Variants in CADPS2 observed in about 807,000 individuals in gnomAD.
CADPS2 encodes calcium dependent secretion activator 2.
In CADPS2, 93 loss-of-function variants were observed where a neutral mutation model predicts 172.5. The observed-to-expected ratio is 0.54, with a 90% CI of 0.46 to 0.64. The LOEUF (loss-of-function observed/expected upper bound fraction) is 0.64, where lower values mean the gene tolerates loss of function less well. Among genes scored for constraint, CADPS2 ranks in the 30% least tolerant of loss-of-function variants. The pLI, the probability that CADPS2 is intolerant of heterozygous loss-of-function variation, is 0.00. For missense variants in CADPS2, 1,420 were observed against 1,565.9 expected, an observed-to-expected ratio of 0.91 and a Z score of 1.57; for synonymous variants, 546 against 555.2, an observed-to-expected ratio of 0.98 and a Z score of 0.23.
chr7:122,650,454 G>C (rs1019177905), intron 3 of CADPS2, among the ~76,000 whole-genome samples: 1 of 151,988 alleles, frequency 6.6e-6, no homozygotes, highest in Admixed American at 6.6e-5. Flanking sequence ...TTGTAAAGCT[G>C]TGTTCTCTTA....
At chr7:122,355,725 G>T (rs962778910) in intron 27 of CADPS2, among the ~76,000 whole-genome samples, 2 of 152,064 alleles carry the variant, frequency 1.3e-5, no homozygotes, top group African/African-American at 4.8e-5. Flanking sequence ...GAGAGAACTG[G>T]ACAAGAACTC....
intron 27 of CADPS2, 130 bp from the exon 28 acceptor site, chr7:122,345,811 A>G: frequency 1.7e-6 from 1 of 574,152 alleles, no homozygotes. Context: ...CTAAACCAAA[A>G]GTGAGCATCT....
chr7:122,854,578 A>C (rs1308528386), intron 1 of CADPS2, among the ~76,000 whole-genome samples: 1 of 152,212 alleles, frequency 6.6e-6, no homozygotes, highest in Non-Finnish European at 1.5e-5. Flanking sequence ...TAGCTGTGCC[A>C]GAACAAGGTG....
chr7:122,391,306 T>A (rs1390786549), intron 22 of CADPS2, among the ~76,000 whole-genome samples: 2 of 152,004 alleles, frequency 1.3e-5, no homozygotes, highest in African/African-American at 2.4e-5. Context: ...CCCCAATTTG[T>A]CATTATTCCT....
intron 22 of CADPS2, among the ~76,000 whole-genome samples, chr7:122,392,933 T>G (rs1374071644): frequency 6.6e-6 from 1 of 152,088 alleles, no homozygotes; most frequent in Non-Finnish European, 1.5e-5. Context: ...TTACTTAGGG[T>G]AGAATGCCAC....
At chr7:122,580,663 AG>A (rs1300420344) in intron 7 of CADPS2, among the ~76,000 whole-genome samples, 1 of 152,134 alleles carries the variant, frequency 6.6e-6, no homozygotes, top group African/African-American at 2.4e-5. Flanking sequence ...CTAGGTATGA[AG>A]AGGTGACTAT....
chr7:122,854,582 C>T (rs74696979), intron 1 of CADPS2, among the ~76,000 whole-genome samples: 1 of 152,162 alleles, frequency 6.6e-6, no homozygotes, highest in Non-Finnish European at 1.5e-5. Context: ...TGTGCCAGAA[C>T]AAGGTGTGCT....
intron 2 of CADPS2, among the ~76,000 whole-genome samples, chr7:122,665,320 C>T (rs567569873): frequency 1.3e-5 from 2 of 152,148 alleles, no homozygotes; most frequent in African/African-American, 2.4e-5. Flanking sequence ...AGGTCACTCA[C>T]ACAAACTGTT....
intron 20 of CADPS2, among the ~76,000 whole-genome samples, chr7:122,400,914 T>C (rs2045870902): frequency 1.3e-5 from 2 of 152,314 alleles, no homozygotes; most frequent in South Asian, 4.1e-4. Context: ...TAACAGTCCT[T>C]CATTTGAAAG....
At chr7:122,591,900 G>A (rs2070866463) in intron 6 of CADPS2, among the ~76,000 whole-genome samples, 1 of 152,076 alleles carries the variant, frequency 6.6e-6, no homozygotes, top group Non-Finnish European at 1.5e-5. Context: ...GAAAACCTAG[G>A]AAATACCATT....
chr7:122,320,384 C>G, intron 29 of CADPS2, 46 bp from the exon 30 acceptor site: 1 of 1,474,254 alleles, frequency 6.8e-7, no homozygotes, highest in Non-Finnish European at 9.2e-7. Context: ...AGATTATATG[C>G]GTGTACATAG....
Position 122,752,390 on chromosome 7 carries a change from C to A in CADPS2, c.340-15322G>T, listed in dbSNP as rs542039265. Among the ~76,000 whole-genome samples the A allele has an allele frequency of 2.6e-5, 4 of 152,216 alleles. No individual in the cohort carries two copies. In the South Asian group the frequency reaches 8.3e-4, roughly 32 times the overall value. On this transcript the variant is annotated intron_variant, in intron 1 of 29. Coordinates refer to ENST00000449022, the MANE Select transcript of CADPS2 (RefSeq NM_017954.11). ...TTCTGAAATCCTGAGTATTATAAAT[C>A]TCTGAAATGTACCTGGATAACACTG...
intron 8 of CADPS2, among the ~76,000 whole-genome samples, chr7:122,538,042 A>C (rs2062490704): frequency 1.3e-5 from 2 of 151,780 alleles, no homozygotes. Context: ...GTATTCAAAA[A>C]TACCTCCCCT....
At chr7:122,410,113 G>A (rs1006162751) in intron 19 of CADPS2, among the ~76,000 whole-genome samples, 1 of 152,090 alleles carries the variant, frequency 6.6e-6, no homozygotes, top group African/African-American at 2.4e-5. Context: ...GGAGGCAGAG[G>A]AGGGCAGATT....
chr7:122,777,721 C>T (rs765539733), intron 1 of CADPS2, among the ~76,000 whole-genome samples: 3 of 152,046 alleles, frequency 2.0e-5, no homozygotes, highest in African/African-American at 7.3e-5. Flanking sequence ...CTCCTTGCAG[C>T]CACCTTGAGA....
chr7:122,641,909 G>A (rs1019553747), intron 3 of CADPS2, among the ~76,000 whole-genome samples: 1 of 151,890 alleles, frequency 6.6e-6, no homozygotes, highest in Non-Finnish European at 1.5e-5. Flanking sequence ...TATCATTATG[G>A]GTACTCAATT....
At chr7:122,759,977 G>T (rs2093320450) in intron 1 of CADPS2, among the ~76,000 whole-genome samples, 1 of 149,022 alleles carries the variant, frequency 6.7e-6, no homozygotes, top group Non-Finnish European at 1.5e-5. Flanking sequence ...GTGTATATAG[G>T]TGTATTTTAT....
intron 3 of CADPS2, among the ~76,000 whole-genome samples, chr7:122,630,693 G>A (rs563076261): frequency 2.0e-5 from 3 of 152,158 alleles, no homozygotes; most frequent in African/African-American, 4.8e-5. Flanking sequence ...TCAGAAAGAC[G>A]GAAGTCTTAT....
chr7:122,400,742 T>A (rs2045848944), intron 20 of CADPS2, among the ~76,000 whole-genome samples: 1 of 152,234 alleles, frequency 6.6e-6, no homozygotes, highest in South Asian at 2.1e-4. Context: ...ATACCCTTTC[T>A]GCATTGTCCC....
Sources: allele counts gnomAD v4.1 joint callset (sites outside exome capture counted in the v4.1 genomes callset), GRCh38; gene constraint gnomAD v4.1.1; transcripts MANE v1.5; gene names NCBI Gene and HGNC (gene_info 2026-07-23, HGNC 2026-07-21).